Variants in SLC2A3 observed in about 807,000 individuals in gnomAD.
The protein encoded by SLC2A3 is solute carrier family 2 member 3, also known as solute carrier family 2, facilitated glucose transporter member 3.
SLC2A3 carries 21 observed loss-of-function variants against 46.4 expected under a neutral mutation model. The ratio of observed to expected loss-of-function variants is 0.45; its 90% CI spans 0.32 to 0.65. The LOEUF (loss-of-function observed/expected upper bound fraction) is 0.65, where lower values mean the gene tolerates loss of function less well. SLC2A3 is among the 30% of genes least tolerant of loss of function. The probability of loss-of-function intolerance (pLI) is 0.04; values close to 1 mark genes in which losing one functional copy is unlikely to be tolerated. For synonymous variants in SLC2A3, 213 were observed against 239.4 expected (o/e 0.89, Z 1.02); for missense variants, 499 against 623.3 (o/e 0.80, Z 2.12).
chr12:7,927,556 G>T (rs1946108236), intron 6 of SLC2A3, among the ~76,000 whole-genome samples: 1 of 141,172 alleles, frequency 7.1e-6, no homozygotes, highest in South Asian at 2.4e-4. Flanking sequence ...AGGGAAATTA[G>T]AAATCATCAT....
At chr12:7,925,796 A>T (rs1946089646) in intron 7 of SLC2A3, 48 bp downstream of exon 7, 1 of 1,397,628 alleles carries the variant, frequency 7.2e-7, no homozygotes, top group African/African-American at 1.4e-5. Context: ...GAACATCTGT[A>T]GCAAGGATTC....
chr12:7,929,526 A>C, intron 6 of SLC2A3, 158 bp downstream of exon 6: 2 of 1,049,352 alleles, frequency 1.9e-6, no homozygotes, highest in Non-Finnish European at 2.7e-6. Context: ...ATGCAGTGGC[A>C]TAATTATAGC....
At chr12:7,925,578 C>CT in intron 7 of SLC2A3, 1 of 325,908 alleles carries the variant, frequency 3.1e-6, no homozygotes, top group Non-Finnish European at 5.8e-6. Flanking sequence ...AGTAACAGAG[C>CT]TTGAGAGTTT....
At chr12:7,925,271 CAA>C (rs1283175803) in intron 7 of SLC2A3, 1 of 152,534 alleles carries the variant, frequency 6.6e-6, no homozygotes, top group East Asian at 1.9e-4. Context: ...TAATCAAACC[CAA>C]AGAGGATGTC....
intron 6 of SLC2A3, 61 bp downstream of exon 6, chr12:7,929,623 A>G (rs1946131151): frequency 6.3e-7 from 1 of 1,589,508 alleles, no homozygotes; most frequent in African/African-American, 1.3e-5. Flanking sequence ...CACCGCCACC[A>G]TGCCCGGCAT....
intron 6 of SLC2A3, among the ~76,000 whole-genome samples, chr12:7,928,439 G>C (rs1592356076): frequency 6.6e-6 from 1 of 152,048 alleles, no homozygotes; most frequent in Admixed American, 6.6e-5. Flanking sequence ...GAAATGGCAG[G>C]AGTCTGTCCC....
chr12:7,931,589 T>C lies in SLC2A3; in HGVS notation c.270-104A>G, dbSNP rs1196317204. 6 of 1,462,986 alleles carry C rather than the reference T, an allele frequency of 4.1e-6. No individual in the cohort carries two copies. In the East Asian group the frequency reaches 1.4e-4, roughly 33 times the overall value. The allele number at this position is 1,462,986 out of a possible 1,614,324, so 90.6% of individuals were successfully genotyped here. On this transcript the variant is annotated intron_variant, in intron 3 of 9. Transcript: ENST00000075120. ...TCTTCTCCAGGCTCATATCATCCCT[T>C]TTTTTTTTAATCTAACTTTTGTTTT...
At chr12:7,923,120 C>A in intron 8 of SLC2A3, 96 bp from the exon 9 acceptor site, 1 of 1,156,630 alleles carries the variant, frequency 8.6e-7, no homozygotes, top group South Asian at 1.6e-5. Context: ...CCTCCTGTCC[C>A]TGACGTACAA....
At chr12:7,922,026 AT>A (rs201816919) in intron 9 of SLC2A3, among the ~76,000 whole-genome samples, 4,324 of 147,086 alleles carry the variant, frequency 0.029, 195 homozygotes, top group African/African-American at 0.096. Context: ...CTATTTATGA[AT>A]TTTTTTTTTT....
At position 7,931,435 on chromosome 12, in the gene SLC2A3, A is replaced by C. The variant is rs1176177728; in HGVS notation, c.320T>G (p.Phe107Cys). The change falls in exon 4 of 10, where the codon TTT becomes TGT. Residue 107 changes from phenylalanine (F) to cysteine (C), a missense_variant. Coordinates refer to ENST00000075120, the MANE Select transcript of SLC2A3 (RefSeq NM_006931.3). ...CTTAGCTACTTTACACAGTCCCATA[A>C]AGCAGCCACCAGTGACAGCCAACAG... ...VNLLAVTGGC[F>C]MGLCKVAKSV... is the part of the protein sequence containing the mutation. The C allele has an allele frequency of 6.2e-7, 1 of 1,614,172 alleles. No homozygotes were observed.
In SLC2A3 at chr12:7,921,436, T is replaced by A; in HGVS notation, c.1468A>T (p.Lys490Ter). 1 of 1,614,012 alleles carries A rather than the reference T, an allele frequency of 6.2e-7. No homozygotes were observed. Among genetic ancestry groups the A allele is most frequent in the Non-Finnish European group, 8.5e-7 (1 of 1,179,914 alleles). Residue 490 changes from lysine (K) to a stop codon, truncating the protein, a stop_gained, in exon 10 of 10, where the codon AAG becomes TAG. Coordinates refer to ENST00000075120, the MANE Select transcript of SLC2A3 (RefSeq NM_006931.3). LOFTEE classifies it high-confidence loss of function. ...VMEMNSIEPA[K>*]ETTTNV ...ACTTAGACATTGGTGGTGGTCTCCT[T>A]AGCAGGCTCGATGCTGTTCATCTCC... is the stretch of plus-strand genomic sequence containing the variant.
In SLC2A3 at chr12:7,925,924, A is replaced by G; in HGVS notation, c.886T>C (p.Phe296Leu). Residue 296 changes from phenylalanine to leucine, a missense_variant, in exon 7 of 10, where the codon TTC (phenylalanine) becomes CTC (leucine). Coordinates refer to ENST00000075120, the MANE Select transcript of SLC2A3 (RefSeq NM_006931.3). Reference sequence around the variant, plus strand: ...GGCTCTTGAACACCTGCATCCTTGAAGATTCCTGTTGAGTAATAGAACACC... The same window carrying G: ...GGCTCTTGAACACCTGCATCCTTGAGGATTCCTGTTGAGTAATAGAACACC... ...NAVFYYSTGI[F>L]KDAGVQEPIY... is the part of the protein sequence containing the mutation. The G allele has an allele frequency of 1.9e-6, 3 of 1,613,742 alleles. No homozygotes were observed. Among genetic ancestry groups the G allele is most frequent in the Non-Finnish European group, 2.5e-6 (3 of 1,179,722 alleles).
At position 7,921,642 on chromosome 12, in the gene SLC2A3, G is replaced by T. The variant is rs377613855; in HGVS notation, c.1273-11C>A. 1.4e-5 allele frequency: 22 copies of T among 1,604,112 alleles called. 2 individuals carry two copies. In the South Asian group the frequency reaches 2.5e-4, roughly 18 times the overall value. ...GGCTCCTAAATAGTGCTAGAGAAAG[G>T]ACAGAAAAAAGGAAGGTTGATATAA... On this transcript the variant is annotated splice_polypyrimidine_tract_variant and intron_variant, in intron 9 of 9. Coordinates refer to ENST00000075120, the MANE Select transcript of SLC2A3 (RefSeq NM_006931.3).
In SLC2A3 at chr12:7,921,510, A is replaced by C; in HGVS notation, c.1394T>G (p.Phe465Cys). The C allele has an allele frequency of 6.2e-7, 1 of 1,613,958 alleles. No individual in the cohort carries two copies. ...ATCTGCACCGTGTGCCTGCCCTTCA[A>C]AGGCCCGTGTGATATCCTCAAAAGT... ...GRTFEDITRA[F>C]EGQAHGADRS... Residue 465 changes from phenylalanine (F) to cysteine (C), a missense_variant, in exon 10 of 10, where the codon TTT (phenylalanine) becomes TGT (cysteine). By Grantham distance (205) the Phe-to-Cys change is radical. This residue lies in a region of SLC2A3 where 179 missense variants were observed against 205.1 expected (regional missense o/e 0.87). Transcript: ENST00000075120.
rs1306961374 is a variant in SLC2A3, at chr12:7,931,392, G to A, written c.363C>T (p.Ile121=). The change falls in exon 4 of 10, where the codon ATC becomes ATT. Residue 121 remains isoleucine (I), a synonymous_variant. Coordinates refer to ENST00000075120, the MANE Select transcript of SLC2A3 (RefSeq NM_006931.3). ...AGAGGCCAATAACCAAGCGACCCAG[G>A]ATCAGCATTTCAACCGACTTAGCTA... is the stretch of plus-strand genomic sequence containing the variant. ...CKVAKSVEML[I]LGRLVIGLFC... The A allele has an allele frequency of 6.2e-7, 1 of 1,613,984 alleles. No individual in the cohort carries two copies. The highest frequency in any genetic ancestry group is 8.5e-7 in the Non-Finnish European group (1 of 1,180,028).
At chr12:7,935,482 A>T (rs1175481816) in intron 1 of SLC2A3, among the ~76,000 whole-genome samples, 2 of 152,182 alleles carry the variant, frequency 1.3e-5, no homozygotes, top group Non-Finnish European at 2.9e-5. Flanking sequence ...CTCCCTGCAA[A>T]TAATGCATAT....
intron 6 of SLC2A3, among the ~76,000 whole-genome samples, chr12:7,926,976 G>C (rs1338298588): frequency 6.6e-6 from 1 of 152,120 alleles, no homozygotes; most frequent in Admixed American, 6.6e-5. Context: ...GTTAACAAGG[G>C]AACATTATCT....
intron 3 of SLC2A3, chr12:7,932,696 A>G (rs1040426143): frequency 1.3e-5 from 4 of 319,322 alleles, no homozygotes; most frequent in African/African-American, 2.1e-5. Context: ...GTATGTTTCT[A>G]GAAACCCCAT....
At chr12:7,935,893 A>G in intron 1 of SLC2A3, 127 bp downstream of exon 1, 2 of 808,130 alleles carry the variant, frequency 2.5e-6, no homozygotes, top group Admixed American at 1.8e-5. Flanking sequence ...GCTAGAGACG[A>G]AATGAAAAGG....
Sources: gnomAD v4.1 joint callset for allele counts (sites outside exome capture counted in the v4.1 genomes callset) on GRCh38, gnomAD v4.1.1 for gene constraint, gnomAD v4.1.1 regional missense constraint, MANE v1.5 for transcripts, NCBI Gene and HGNC (gene_info 2026-07-23, HGNC 2026-07-21) for gene names.